Variants in STIM2 observed in about 807,000 individuals in gnomAD.
The protein encoded by STIM2 is stromal interaction molecule 2.
STIM2 carries 31 observed loss-of-function variants against 85.8 expected under a neutral mutation model. That is an observed-to-expected ratio of 0.36 (90% confidence interval 0.27 to 0.49). STIM2 has a LOEUF of 0.49. Ranked by LOEUF, STIM2 falls within the 20% of genes least tolerant of loss-of-function variation. STIM2 has a pLI of 0.98. For missense variants in STIM2, 841 were observed against 927.6 expected, an observed-to-expected ratio of 0.91 and a Z score of 1.21; for synonymous variants, 356 against 331.1, an observed-to-expected ratio of 1.08 and a Z score of -0.82.
intron 1 of STIM2, among the ~76,000 whole-genome samples, chr4:26,905,488 G>A (rs1724089400): frequency 6.6e-6 from 1 of 152,154 alleles, no homozygotes; most frequent in South Asian, 2.1e-4. Context: ...TTTGAAGATA[G>A]AGCCAGATTT....
At chr4:26,910,726 AT>A (rs1724304474) in intron 1 of STIM2, among the ~76,000 whole-genome samples, 1 of 152,172 alleles carries the variant, frequency 6.6e-6, no homozygotes, top group Admixed American at 6.5e-5. Flanking sequence ...TGAATTGCAT[AT>A]TAATAAGACA....
chr4:27,008,485 A>C lies in STIM2; in HGVS notation c.1207A>C (p.Ser403Arg). 6.2e-7 allele frequency: 1 copy of C among 1,604,978 alleles called. No homozygotes were observed. The change falls in exon 9 of 12, where the codon AGC becomes CGC. Residue 403 changes from serine (S) to arginine (R), a missense_variant. Ser to Arg is a moderately radical substitution (Grantham distance 110). Around this residue, in one of 3 missense-constraint regions of STIM2, gnomAD observed 408 missense variants for 525.4 expected, o/e 0.78. Transcript: ENST00000467087. ...CTTTGGGACTCTGCACGTTGCACACAGCTCCTCCCTAGATGAGGTAGACCA... is the reference window on the plus strand; with the variant it reads ...CTTTGGGACTCTGCACGTTGCACACCGCTCCTCCCTAGATGAGGTAGACCA...
chr4:26,951,537 G>C (rs189839844), intron 2 of STIM2, among the ~76,000 whole-genome samples: 1 of 152,066 alleles, frequency 6.6e-6, no homozygotes, highest in Admixed American at 6.6e-5. Context: ...CTTGTGTTCA[G>C]TATCTTGAAA....
intron 11 of STIM2, among the ~76,000 whole-genome samples, chr4:27,018,623 T>C (rs1305624869): frequency 2.0e-5 from 3 of 152,188 alleles, no homozygotes; most frequent in Admixed American, 1.3e-4. Flanking sequence ...TGGAAGAAGG[T>C]GTGTGTACAC....
chr4:26,981,353 C>G (rs1196808351), intron 3 of STIM2, among the ~76,000 whole-genome samples: 1 of 152,154 alleles, frequency 6.6e-6, no homozygotes, highest in African/African-American at 2.4e-5. Context: ...AAAAGGCTAC[C>G]ATACTTTCTT....
intron 1 of STIM2, among the ~76,000 whole-genome samples, chr4:26,894,567 T>C (rs1460159759): frequency 6.6e-6 from 1 of 152,082 alleles, no homozygotes; most frequent in African/African-American, 2.4e-5. Flanking sequence ...GTTTGAATTT[T>C]CCCCACTAAT....
At chr4:26,951,560 A>G (rs1439078893) in intron 2 of STIM2, among the ~76,000 whole-genome samples, 5 of 151,934 alleles carry the variant, frequency 3.3e-5, no homozygotes, top group African/African-American at 1.2e-4. Flanking sequence ...TGTTGTTTGT[A>G]TATTGTGTCT....
chr4:27,001,677 G>A (rs1019025318), intron 5 of STIM2, among the ~76,000 whole-genome samples: 1 of 152,184 alleles, frequency 6.6e-6, no homozygotes, highest in African/African-American at 2.4e-5. Flanking sequence ...ATTGTCAAAT[G>A]TCTGCTAGGG....
intron 2 of STIM2, among the ~76,000 whole-genome samples, chr4:26,955,632 AT>A (rs1726215012): frequency 6.7e-6 from 1 of 148,360 alleles, no homozygotes; most frequent in African/African-American, 2.6e-5. Flanking sequence ...TTAAGGCAGC[AT>A]TTAGTAAAAA....
rs1183315651 is a variant in STIM2, at chr4:26,902,300, G to A, written c.152-17204G>A. Among the ~76,000 whole-genome samples the A allele has an allele frequency of 5.3e-5, 8 of 152,102 alleles. 1 individual carries two copies. The highest frequency in any genetic ancestry group is 1.9e-4 in the African/African-American group (8 of 41,418). Reference sequence around the variant, plus strand: ...AATAATTAGAAAATATGCAGATGTCGTTCTCACTTATTTTCTCACGCTGTC... The same window carrying A: ...AATAATTAGAAAATATGCAGATGTCATTCTCACTTATTTTCTCACGCTGTC... On this transcript the variant is annotated intron_variant, in intron 1 of 11. Coordinates refer to ENST00000467087, the MANE Select transcript of STIM2 (RefSeq NM_020860.4).
At chr4:26,955,375 C>G (rs532089131) in intron 2 of STIM2, among the ~76,000 whole-genome samples, 1 of 147,918 alleles carries the variant, frequency 6.8e-6, no homozygotes, top group Non-Finnish European at 1.5e-5. Context: ...ATATATATTA[C>G]GTAAATGAAA....
At chr4:26,861,508 T>C in intron 1 of STIM2, 139 bp downstream of exon 1, 5 of 1,199,394 alleles carry the variant, frequency 4.2e-6, no homozygotes, top group Non-Finnish European at 5.2e-6. Flanking sequence ...TGCCTGCTGC[T>C]TCGTCGCGGT....
At chr4:26,995,727 A>C (rs1727940644) in intron 4 of STIM2, among the ~76,000 whole-genome samples, 1 of 152,112 alleles carries the variant, frequency 6.6e-6, no homozygotes, top group African/African-American at 2.4e-5. Context: ...TGAGTTTCAG[A>C]AGATGGGTCA....
At chr4:27,016,551 A>G (rs1414210707) in intron 10 of STIM2, among the ~76,000 whole-genome samples, 1 of 152,322 alleles carries the variant, frequency 6.6e-6, no homozygotes, top group East Asian at 1.9e-4. Flanking sequence ...TTGCACTCCA[A>G]TCTAATATGA....
At chr4:26,915,442 C>A (rs1355543129) in intron 1 of STIM2, among the ~76,000 whole-genome samples, 2 of 152,026 alleles carry the variant, frequency 1.3e-5, no homozygotes, top group African/African-American at 4.8e-5. Flanking sequence ...GCCATGTTGT[C>A]CAGGCTGGTC....
chr4:26,866,540 G>A (rs1722416074), intron 1 of STIM2, among the ~76,000 whole-genome samples: 1 of 152,138 alleles, frequency 6.6e-6, no homozygotes, highest in African/African-American at 2.4e-5. Context: ...AGGCTTTCTG[G>A]GAGGAGGCAT....
intron 2 of STIM2, among the ~76,000 whole-genome samples, chr4:26,943,544 C>T (rs563547531): frequency 6.6e-6 from 1 of 152,224 alleles, no homozygotes; most frequent in South Asian, 2.1e-4. Flanking sequence ...CAAAATGTTC[C>T]ATGTCCAGCT....
chr4:27,008,088 A>G, intron 8 of STIM2: 1 of 689,902 alleles, frequency 1.4e-6, no homozygotes, highest in Non-Finnish European at 2.7e-6. Context: ...TAGCCAAAAA[A>G]TTTAAAAGCT....
chr4:26,946,455 G>A (rs1326791853), intron 2 of STIM2, among the ~76,000 whole-genome samples: 1 of 152,092 alleles, frequency 6.6e-6, no homozygotes, highest in Non-Finnish European at 1.5e-5. Flanking sequence ...TCTGATGAGT[G>A]GAACTGCTCA....
Sources: gnomAD v4.1 joint callset for allele counts (sites outside exome capture counted in the v4.1 genomes callset) on GRCh38, gnomAD v4.1.1 for gene constraint, gnomAD v4.1.1 regional missense constraint, MANE v1.5 for transcripts, NCBI Gene and HGNC (gene_info 2026-07-23, HGNC 2026-07-21) for gene names.